ABCC5: variants seen among roughly 807,000 people sequenced by gnomAD.
The protein encoded by ABCC5 is ATP-binding cassette sub-family C member 5.
Under a neutral mutation model 160.9 loss-of-function variants are expected in ABCC5, and 61 were observed. The observed-to-expected ratio is 0.38, with a 90% CI of 0.31 to 0.47. ABCC5 has a LOEUF of 0.47. Ranked by LOEUF, ABCC5 falls within the 20% of genes least tolerant of loss-of-function variation. ABCC5 has a pLI of 0.99. For synonymous variants in ABCC5, 666 were observed against 700.6 expected, an observed-to-expected ratio of 0.95 and a Z score of 0.78; for missense variants, 1,308 against 1,813.3, an observed-to-expected ratio of 0.72 and a Z score of 5.06.
chr3:183,939,079 G>A (rs1161377266), intron 25 of ABCC5, among the ~76,000 whole-genome samples: 7 of 151,970 alleles, frequency 4.6e-5, no homozygotes, highest in Non-Finnish European at 7.4e-5. Flanking sequence ...ACTTCCTTTC[G>A]GTCTTTCCTC....
intron 5 of ABCC5, chr3:183,983,338 T>C: frequency 3.0e-6 from 1 of 333,094 alleles, no homozygotes. Context: ...TATTCCAGTA[T>C]CTCCACACAT....
intron 15 of ABCC5, among the ~76,000 whole-genome samples, chr3:183,961,904 C>T (rs6766401): frequency 0.2 from 30,375 of 152,028 alleles, 3,169 homozygotes; most frequent in East Asian, 0.43. Context: ...CTCAGCCTCC[C>T]GAATAGCTGG....
chr3:183,967,798 T>TA, intron 11 of ABCC5, 32 bp from the exon 12 acceptor site: 3 of 1,528,704 alleles, frequency 2.0e-6, no homozygotes, highest in Middle Eastern at 1.7e-4. Context: ...GAGGGTCATT[T>TA]AGAGACTACT....
chr3:183,970,611 A>G (rs1219279738), intron 11 of ABCC5, among the ~76,000 whole-genome samples: 6 of 151,818 alleles, frequency 4.0e-5, no homozygotes, highest in African/African-American at 1.5e-4. Flanking sequence ...TAATTTTCCT[A>G]GTTGTTGTAG....
At chr3:183,999,748 C>A (rs189514541) in intron 2 of ABCC5, among the ~76,000 whole-genome samples, 1 of 152,076 alleles carries the variant, frequency 6.6e-6, no homozygotes, top group Non-Finnish European at 1.5e-5. Flanking sequence ...CTCTGCACCC[C>A]AGCCTGGGTG....
intron 16 of ABCC5, among the ~76,000 whole-genome samples, chr3:183,960,041 G>C (rs1490937234): frequency 6.6e-6 from 1 of 152,018 alleles, no homozygotes; most frequent in Admixed American, 6.6e-5. Context: ...ACTGACATTT[G>C]CTCTCCCCAG....
At chr3:183,985,419 C>CT (rs1719118348) in intron 5 of ABCC5, 1 of 1,554,512 alleles carries the variant, frequency 6.4e-7, no homozygotes, top group African/African-American at 1.4e-5. Context: ...TACAGAGAGA[C>CT]TCCCCCCAAA....
intron 10 of ABCC5, among the ~76,000 whole-genome samples, chr3:183,973,599 C>A (rs1414709999): frequency 1.3e-5 from 2 of 152,080 alleles, no homozygotes; most frequent in Non-Finnish European, 2.9e-5. Flanking sequence ...CTCTTAGATT[C>A]TAAACTTCTA....
rs1560037151 is a variant in ABCC5, at chr3:183,987,879, C to T, written c.482G>A (p.Gly161Glu). ...CCTTCGCAGGGAAGCAGCGTCTGGC[C>T]CAACTTCATTCAGCTCTTCTTGCCA... ...RLWQEELNEV[G>E]PDAASLRRVV... Residue 161 changes from glycine to glutamate, a missense_variant, in exon 5 of 30, where the codon GGG becomes GAG. Physicochemically the swap from Gly to Glu is moderately conservative, Grantham distance 98 (BLOSUM62 -2). Coordinates refer to ENST00000334444, the MANE Select transcript of ABCC5 (RefSeq NM_005688.4). The surrounding 1 kb of genome is among the most constrained non-coding windows in gnomAD (Gnocchi z 4.2). The T allele has an allele frequency of 1.2e-6, 2 of 1,614,154 alleles. No homozygotes were observed. The highest frequency in any genetic ancestry group is 1.7e-6 in the Non-Finnish European group (2 of 1,180,034).
intron 12 of ABCC5, among the ~76,000 whole-genome samples, chr3:183,966,141 T>C (rs187050539): frequency 6.2e-4 from 94 of 152,332 alleles, no homozygotes; most frequent in African/African-American, 1.8e-3. Flanking sequence ...GGACTGATAG[T>C]AGACATTTGT....
At chr3:184,006,670 G>A (rs11926347) in intron 2 of ABCC5, among the ~76,000 whole-genome samples, 2,909 of 152,174 alleles carry the variant, frequency 0.019, 118 homozygotes, top group African/African-American at 0.066. Flanking sequence ...TCTATAATGA[G>A]CCCATATTTC....
intron 23 of ABCC5, among the ~76,000 whole-genome samples, chr3:183,946,340 T>C (rs1560483415): frequency 2.6e-5 from 4 of 152,176 alleles, no homozygotes; most frequent in African/African-American, 9.7e-5. Context: ...ATCAGATACA[T>C]AATGCTGGGA....
Position 183,979,242 on chromosome 3 carries a change from G to A in ABCC5, c.1148-591C>T, listed in dbSNP as rs572870122. On this transcript the variant is annotated intron_variant, in intron 8 of 29. Transcript: ENST00000334444. ...CGCCTATGATCCCAGCTACTTGGGA[G>A]GCTGAGGCCGGAGAATTGCCTGAAC... Among the ~76,000 whole-genome samples, 6 of 152,268 alleles carry A rather than the reference G, an allele frequency of 3.9e-5. No homozygotes were observed. In the South Asian group the frequency reaches 1.2e-3, roughly 32 times the overall value.
At chr3:183,977,418 A>G (rs1002631006) in intron 10 of ABCC5, 99 bp downstream of exon 10, 17 of 787,048 alleles carry the variant, frequency 2.2e-5, no homozygotes, top group Admixed American at 7.7e-5. Flanking sequence ...GCCAAGCTTA[A>G]GCCCAGTGAG....
At chr3:183,957,384 G>A (rs528550144) in intron 17 of ABCC5, among the ~76,000 whole-genome samples, 2 of 127,296 alleles carry the variant, frequency 1.6e-5, no homozygotes, top group Non-Finnish European at 3.3e-5. Flanking sequence ...ATATCACATC[G>A]GTTACATGCT....
rs367715034 is a variant in ABCC5 at position 183,950,165 on chromosome 3, G to C, written c.2945-40C>G. ...AAAGGAGCAAGTGTCAGATGGTTTG[G>C]AAAAATGGAACTGAAAATTGAAAAA... On this transcript the variant is annotated intron_variant, in intron 20 of 29. Transcript: ENST00000334444. The C allele has an allele frequency of 3.2e-6, 5 of 1,565,252 alleles. No individual in the cohort carries two copies. The African/African-American group carries it at 6.9e-5, about 22-fold the overall frequency.
chr3:184,000,331 A>C (rs1720645855), intron 2 of ABCC5, among the ~76,000 whole-genome samples: 2 of 152,196 alleles, frequency 1.3e-5, no homozygotes, highest in African/African-American at 4.8e-5. Context: ...TGACAGAGTG[A>C]GACCCTGTCT....
Position 183,925,726 on chromosome 3 carries a change from G to C in ABCC5, c.4048-7C>G. The C allele has an allele frequency of 1.2e-6, 2 of 1,611,172 alleles. No homozygotes were observed. The highest frequency in any genetic ancestry group is 1.7e-6 in the Non-Finnish European group (2 of 1,179,158). Reference sequence around the variant, plus strand: ...CTTCATCTAAAATCAGAATCTGCCAGAGAAGCAGAGGAGAAAGAAACTCGA... The same window carrying C: ...CTTCATCTAAAATCAGAATCTGCCACAGAAGCAGAGGAGAAAGAAACTCGA... On this transcript the variant is annotated splice_region_variant and splice_polypyrimidine_tract_variant and intron_variant, in intron 28 of 29. Transcript: ENST00000334444.
In ABCC5 at chr3:183,949,203, T is replaced by C. The variant is rs906517873; in HGVS notation, c.3227+550A>G. Among the ~76,000 whole-genome samples the C allele has an allele frequency of 1.3e-5, 2 of 152,212 alleles. No homozygotes were observed. Among genetic ancestry groups the C allele is most frequent in the Non-Finnish European group, 2.9e-5 (2 of 68,038 alleles). ...ATAGCTTATTCAACCTGTCCTATAT[T>C]GAAGAACATTTTAGTTCCAATCTCT... On this transcript the variant is annotated intron_variant, in intron 22 of 29. Coordinates refer to ENST00000334444, the MANE Select transcript of ABCC5 (RefSeq NM_005688.4). This position sits in a 1 kb window ranked among gnomAD's most constrained non-coding sequence, Gnocchi z 4.2.
Sources: allele counts gnomAD v4.1 joint callset (sites outside exome capture counted in the v4.1 genomes callset), GRCh38; gene constraint gnomAD v4.1.1; non-coding constraint Gnocchi (gnomAD v3.1); transcripts MANE v1.5; gene names NCBI Gene and HGNC (gene_info 2026-07-23, HGNC 2026-07-21).